CCDC149: variants seen among roughly 807,000 people sequenced by gnomAD.
CCDC149 encodes the protein coiled-coil domain containing 149, also known as coiled-coil domain-containing protein 149.
CCDC149 carries 45 observed loss-of-function variants against 59.9 expected under a neutral mutation model. That is an observed-to-expected ratio of 0.75 (90% CI 0.59 to 0.96). CCDC149 has a LOEUF of 0.96. CCDC149 is among the 40% of genes least tolerant of loss of function. The pLI is 0.00. For synonymous variants in CCDC149, 245 were observed against 260.6 expected (o/e 0.94, Z 0.58); for missense variants, 584 against 664.7 (o/e 0.88, Z 1.33).
At chr4:24,874,244 G>GTTTTTTTTTTTTTTGTTT (rs1719242804) in intron 2 of CCDC149, among the ~76,000 whole-genome samples, 15 of 87,482 alleles carry the variant, frequency 1.7e-4, no homozygotes, top group African/African-American at 8.7e-4. Flanking sequence ...TATTAGATTT[G>GTTTTTTTTTTTTTTGTTT]TTTTTTTTTT....
chr4:24,895,329 G>T (rs1216656357), intron 1 of CCDC149, among the ~76,000 whole-genome samples: 1 of 152,142 alleles, frequency 6.6e-6, no homozygotes, highest in Non-Finnish European at 1.5e-5. Flanking sequence ...TAAAATGTGT[G>T]CCTCTGCTGT....
intron 7 of CCDC149, 34 bp downstream of exon 7, chr4:24,836,402 T>A (rs1049858521): frequency 2.2e-6 from 3 of 1,371,570 alleles, no homozygotes; most frequent in Non-Finnish European, 3.1e-6. Context: ...TGCACAATAG[T>A]CAATCACCAT....
intron 3 of CCDC149, 22 bp from the exon 4 acceptor site, chr4:24,853,201 G>A (rs1267222446): frequency 3.3e-6 from 5 of 1,529,664 alleles, no homozygotes; most frequent in Non-Finnish European, 4.5e-6. Context: ...AACACATTAT[G>A]AAATACAATC....
Position 24,808,834 on chromosome 4 carries a change from A to G in CCDC149, c.1193-15T>C. 1 of 1,535,474 alleles carries G rather than the reference A, an allele frequency of 6.5e-7. No homozygotes were observed. On this transcript the variant is annotated splice_polypyrimidine_tract_variant and intron_variant, in intron 12 of 12. Transcript: ENST00000635206. ...CTGAGCCTCCCCTGAAAACAGAACG[A>G]GGACAACATTAAACCTCTGGCAGCA... is the stretch of plus-strand genomic sequence containing the variant.
chr4:24,962,163 C>T (rs1343338898), intron 1 of CCDC149, among the ~76,000 whole-genome samples: 2 of 152,134 alleles, frequency 1.3e-5, no homozygotes, highest in Admixed American at 6.5e-5. Flanking sequence ...TATGAACAGA[C>T]ACTTCTCAAA....
chr4:24,881,321 G>T (rs1383279345), intron 1 of CCDC149, among the ~76,000 whole-genome samples: 1 of 152,196 alleles, frequency 6.6e-6, no homozygotes, highest in African/African-American at 2.4e-5. Context: ...CATGGACCCT[G>T]CTTTGCCCGA....
chr4:24,825,357 C>T (rs1217318547), intron 9 of CCDC149, among the ~76,000 whole-genome samples: 1 of 152,172 alleles, frequency 6.6e-6, no homozygotes. Flanking sequence ...TGTCCTGCAA[C>T]AACTGATGCG....
chr4:24,958,512 A>G (rs1431322201), intron 1 of CCDC149, among the ~76,000 whole-genome samples: 5 of 152,212 alleles, frequency 3.3e-5, no homozygotes, highest in African/African-American at 4.8e-5. Flanking sequence ...TCTATCAACT[A>G]TTCCACCATC....
At chr4:24,819,599 G>A (rs889563463) in intron 12 of CCDC149, among the ~76,000 whole-genome samples, 1 of 152,106 alleles carries the variant, frequency 6.6e-6, no homozygotes, top group African/African-American at 2.4e-5. Flanking sequence ...AGGATTACAG[G>A]TGTGAGCCAC....
chr4:24,956,301 A>G (rs5026445), intron 1 of CCDC149, among the ~76,000 whole-genome samples: 114,229 of 151,450 alleles, frequency 0.75, 43,304 homozygotes, highest in African/African-American at 0.79. Flanking sequence ...TCACCCTCTC[A>G]GTGACCCTCT....
chr4:24,804,818 T>C (rs142611165), downstream of CCDC149, among the ~76,000 whole-genome samples: 1,591 of 152,228 alleles, frequency 0.01, 28 homozygotes, highest in African/African-American at 0.035. Context: ...GTGATGGTGG[T>C]GCATGTTTGG....
chr4:24,936,103 C>T lies in CCDC149; in HGVS notation c.-64-40985G>A, dbSNP rs1722772656. ...CATTGGTTCCAGAAGTCTTGGGCAA[C>T]CTTGACAAGAGCAAGTTCAGTGGAG... On this transcript the variant is annotated intron_variant, in intron 1 of 12. Transcript: ENST00000389609. Among the ~76,000 whole-genome samples, 6 of 152,036 alleles carry T rather than the reference C, an allele frequency of 3.9e-5. No homozygotes were observed. In the South Asian group the frequency reaches 1.2e-3, roughly 32 times the overall value.
chr4:24,940,460 A>G (rs1403138983), intron 1 of CCDC149, among the ~76,000 whole-genome samples: 3 of 152,234 alleles, frequency 2.0e-5, no homozygotes, highest in African/African-American at 4.8e-5. Flanking sequence ...TGTAAAGACC[A>G]TCAAGGCTAG....
chr4:24,953,371 C>T (rs1223465149), intron 1 of CCDC149, among the ~76,000 whole-genome samples: 2 of 152,178 alleles, frequency 1.3e-5, no homozygotes, highest in African/African-American at 4.8e-5. Flanking sequence ...ATTAAAAGGG[C>T]TCCCCCTGCT....
intron 3 of CCDC149, among the ~76,000 whole-genome samples, chr4:24,867,973 C>G (rs810281): frequency 0.79 from 120,537 of 152,192 alleles, 47,716 homozygotes; most frequent in East Asian, 0.9. Flanking sequence ...CTGGTCACAT[C>G]TGTTAACTCC....
chr4:24,873,376 C>T (rs967189438), intron 3 of CCDC149, among the ~76,000 whole-genome samples: 2 of 152,220 alleles, frequency 1.3e-5, no homozygotes, highest in Admixed American at 6.5e-5. Flanking sequence ...GCCCACAGCA[C>T]GTGCCCACTG....
intron 9 of CCDC149, chr4:24,831,271 A>T: frequency 2.0e-6 from 1 of 503,006 alleles, no homozygotes; most frequent in Non-Finnish European, 3.6e-6. Flanking sequence ...CTCAGTGTGT[A>T]GCTCAGAGTA....
At chr4:24,884,675 G>A (rs375240843) in intron 1 of CCDC149, among the ~76,000 whole-genome samples, 2 of 152,306 alleles carry the variant, frequency 1.3e-5, no homozygotes, top group African/African-American at 4.8e-5. Context: ...ACTCACTAGC[G>A]ACATGATCAA....
chr4:24,916,786 T>TGG (rs1722132707), upstream of CCDC149, among the ~76,000 whole-genome samples: 2 of 53,684 alleles, frequency 3.7e-5, no homozygotes, highest in South Asian at 7.5e-4. Context: ...TGGTTTATAA[T>TGG]GGTGTGTGTG....
Sources: gnomAD v4.1 joint callset for allele counts (sites outside exome capture counted in the v4.1 genomes callset) on GRCh38, gnomAD v4.1.1 for gene constraint, MANE v1.5 for transcripts, NCBI Gene and HGNC (gene_info 2026-07-23, HGNC 2026-07-21) for gene names.